IQCJ: variants seen among roughly 807,000 people sequenced by gnomAD.
IQCJ encodes IQ domain-containing protein J.
In IQCJ, 9 loss-of-function variants were observed where a neutral mutation model predicts 11.0. That is an observed-to-expected ratio of 0.82 (90% confidence interval 0.49 to 1.43). The LOEUF (loss-of-function observed/expected upper bound fraction) is 1.43. IQCJ is among the 40% of genes most tolerant of loss of function. The probability of loss-of-function intolerance (pLI) is 0.00; values close to 1 mark genes in which losing one functional copy is unlikely to be tolerated. For synonymous variants in IQCJ, 55 were observed against 51.3 expected (o/e 1.07, Z -0.31); for missense variants, 146 against 133.2 (o/e 1.10, Z -0.47).
chr3:159,115,878 C>T, intron 1 of IQCJ, among the ~76,000 whole-genome samples: 1 of 152,016 alleles, frequency 6.6e-6, no homozygotes, highest in East Asian at 1.9e-4. Flanking sequence ...ATGGACACTG[C>T]TTGGGGCAGG....
chr3:159,146,065 C>A (rs985213313), intron 1 of IQCJ, among the ~76,000 whole-genome samples: 2 of 152,120 alleles, frequency 1.3e-5, no homozygotes, highest in Admixed American at 6.5e-5. Flanking sequence ...GGAAGAGAAC[C>A]TGTGGGAAGT....
Position 159,169,319 on chromosome 3 carries a change from T to G in IQCJ, c.10-76524T>G, listed in dbSNP as rs1000022364. Among the ~76,000 whole-genome samples, 15 of 148,694 alleles carry G rather than the reference T, an allele frequency of 1.0e-4. No individual in the cohort carries two copies. The South Asian group carries it at 1.1e-3, about 11-fold the overall frequency. On this transcript the variant is annotated intron_variant, in intron 1 of 3. Coordinates refer to ENST00000397832, the MANE Select transcript of IQCJ (RefSeq NM_001042706.3). ...TTTTTTTTTGATGGAGTTTTTGCTC[T>G]TATTGTCCAGGCTGGAGTGGAATGG...
intron 2 of IQCJ, among the ~76,000 whole-genome samples, chr3:159,250,459 G>C (rs1387211340): frequency 6.6e-6 from 1 of 152,080 alleles, no homozygotes; most frequent in East Asian, 1.9e-4. Flanking sequence ...TTCTGTGTTA[G>C]TCCTTTCTCA....
intron 1 of IQCJ, among the ~76,000 whole-genome samples, chr3:159,143,968 ATCT>A (rs1212657633): frequency 1.3e-5 from 2 of 152,312 alleles, no homozygotes; most frequent in Non-Finnish European, 2.9e-5. Flanking sequence ...TCAATGTTGT[ATCT>A]TCACATGGTG....
chr3:159,232,752 G>A (rs559715392), intron 1 of IQCJ, among the ~76,000 whole-genome samples: 1 of 152,274 alleles, frequency 6.6e-6, no homozygotes, highest in African/African-American at 2.4e-5. Flanking sequence ...TTGGTCCAGA[G>A]CTGAGTTCCA....
intron 1 of IQCJ, among the ~76,000 whole-genome samples, chr3:159,229,354 G>T (rs1325411703): frequency 6.6e-6 from 1 of 152,070 alleles, no homozygotes; most frequent in African/African-American, 2.4e-5. Flanking sequence ...TAACAGTCAG[G>T]CTTCTTTGAT....
At chr3:159,089,136 A>G (rs1373016553) in intron 1 of IQCJ, among the ~76,000 whole-genome samples, 2 of 151,934 alleles carry the variant, frequency 1.3e-5, no homozygotes, top group Non-Finnish European at 2.9e-5. Context: ...ATCTCTCAGC[A>G]TTTGCTTGTC....
intron 1 of IQCJ, among the ~76,000 whole-genome samples, chr3:159,106,203 G>A (rs778582006): frequency 3.3e-5 from 5 of 152,328 alleles, no homozygotes; most frequent in Non-Finnish European, 7.4e-5. Flanking sequence ...GGTTTCAAGT[G>A]GAAGGCTGGG....
intron 1 of IQCJ, among the ~76,000 whole-genome samples, chr3:159,187,219 G>C (rs900160060): frequency 1.3e-5 from 2 of 152,220 alleles, no homozygotes; most frequent in African/African-American, 2.4e-5. Context: ...GGTGAACAGA[G>C]AGAAAAGGCT....
At chr3:159,094,240 G>A (rs1209233502) in intron 1 of IQCJ, among the ~76,000 whole-genome samples, 1 of 150,836 alleles carries the variant, frequency 6.6e-6, no homozygotes, top group Non-Finnish European at 1.5e-5. Flanking sequence ...TTGGCCTCAA[G>A]GTTCTTATGT....
At chr3:159,205,081 T>C (rs1317996374) in intron 1 of IQCJ, among the ~76,000 whole-genome samples, 3 of 152,094 alleles carry the variant, frequency 2.0e-5, no homozygotes, top group Non-Finnish European at 2.9e-5. Context: ...TGCAAGGAGT[T>C]TGGCCAATTG....
At chr3:159,133,185 T>G (rs1334407477) in intron 1 of IQCJ, among the ~76,000 whole-genome samples, 8 of 152,234 alleles carry the variant, frequency 5.3e-5, no homozygotes, top group African/African-American at 1.9e-4. Context: ...AGGACACATG[T>G]GGTTCTCAGG....
chr3:159,160,480 TTTG>T (rs1380125627), intron 1 of IQCJ, among the ~76,000 whole-genome samples: 1 of 151,946 alleles, frequency 6.6e-6, no homozygotes, highest in Non-Finnish European at 1.5e-5. Flanking sequence ...TTTTTGTATT[TTTG>T]TTGTTGTTGT....
chr3:159,214,532 A>G (rs989781009), intron 1 of IQCJ, among the ~76,000 whole-genome samples: 4 of 152,228 alleles, frequency 2.6e-5, no homozygotes, highest in Non-Finnish European at 5.9e-5. Flanking sequence ...CTTTTCACCT[A>G]CATAGCATAG....
At chr3:159,076,425 T>TC (rs1715921484) in intron 1 of IQCJ, among the ~76,000 whole-genome samples, 1 of 152,118 alleles carries the variant, frequency 6.6e-6, no homozygotes, top group Non-Finnish European at 1.5e-5. Flanking sequence ...GTGATGGAGC[T>TC]CCCTGGTAGG....
chr3:159,101,236 G>A (rs371851916), intron 1 of IQCJ, among the ~76,000 whole-genome samples: 3,172 of 148,426 alleles, frequency 0.021, 103 homozygotes, highest in African/African-American at 0.076. Flanking sequence ...CTCGCGCACG[G>A]TGCGCACACA....
intron 1 of IQCJ, among the ~76,000 whole-genome samples, chr3:159,157,506 G>A (rs1464012172): frequency 1.3e-5 from 2 of 152,126 alleles, no homozygotes; most frequent in Non-Finnish European, 2.9e-5. Flanking sequence ...GATGAGTAGT[G>A]AACTCATTGT....
At chr3:159,237,031 C>T (rs964325718) in intron 1 of IQCJ, among the ~76,000 whole-genome samples, 5 of 152,190 alleles carry the variant, frequency 3.3e-5, no homozygotes, top group African/African-American at 1.2e-4. Context: ...CAGGTTTTGT[C>T]ACCCACAGCT....
chr3:159,083,902 G>T (rs927200007), intron 1 of IQCJ, among the ~76,000 whole-genome samples: 5 of 152,050 alleles, frequency 3.3e-5, no homozygotes, highest in Admixed American at 1.3e-4. Context: ...CCACAAGTTG[G>T]GAAAAGAAGA....
Sources: allele counts gnomAD v4.1 joint callset (sites outside exome capture counted in the v4.1 genomes callset), GRCh38; gene constraint gnomAD v4.1.1; transcripts MANE v1.5; gene names NCBI Gene and HGNC (gene_info 2026-07-23, HGNC 2026-07-21).